The following INSIG2 variants were observed in gnomAD, a reference collection of about 807,000 sequenced individuals.
The protein encoded by INSIG2 is insulin-induced gene 2 protein.
A neutral mutation model predicts 27.2 loss-of-function variants in INSIG2; 10 were observed. The ratio of observed to expected loss-of-function variants is 0.37; its 90% CI spans 0.23 to 0.62. The LOEUF (loss-of-function observed/expected upper bound fraction) is 0.62. Among genes scored for constraint, INSIG2 ranks in the 20% least tolerant of loss-of-function variants. The pLI, the probability that INSIG2 is intolerant of heterozygous loss-of-function variation, is 0.65. For synonymous variants in INSIG2, 97 were observed against 95.8 expected (o/e 1.01, Z -0.07); for missense variants, 178 against 270.2 (o/e 0.66, Z 2.39).
At chr2:118,089,394 T>G (rs72839616) in intron 1 of INSIG2, among the ~76,000 whole-genome samples, 9,482 of 150,856 alleles carry the variant, frequency 0.063, 420 homozygotes, top group Non-Finnish European at 0.1. Flanking sequence ...CTGAAACTGT[T>G]TGGTATCAGT....
chr2:118,097,422 A>G (rs1355526516), intron 2 of INSIG2, among the ~76,000 whole-genome samples: 1 of 152,178 alleles, frequency 6.6e-6, no homozygotes, highest in Non-Finnish European at 1.5e-5. Flanking sequence ...TATTTTTGTA[A>G]ATGCTTTTTT....
intron 5 of INSIG2, among the ~76,000 whole-genome samples, chr2:118,107,731 A>G (rs915798374): frequency 2.6e-5 from 4 of 152,324 alleles, no homozygotes; most frequent in African/African-American, 9.6e-5. Flanking sequence ...TAAAATAGCC[A>G]ACCAATTATC....
intron 3 of INSIG2, among the ~76,000 whole-genome samples, chr2:118,104,897 T>A (rs1164390606): frequency 6.6e-6 from 1 of 152,252 alleles, no homozygotes; most frequent in East Asian, 1.9e-4. Context: ...TTCTTTGCTT[T>A]GTTCACTCTC....
At chr2:118,089,333 T>C (rs748434045) in intron 1 of INSIG2, among the ~76,000 whole-genome samples, 9 of 152,156 alleles carry the variant, frequency 5.9e-5, no homozygotes, top group Admixed American at 5.2e-4. Context: ...TTTTGTAGGA[T>C]TGATGAAGAA....
chr2:118,109,389 T>C lies in INSIG2; in HGVS notation c.*1067T>C, dbSNP rs1267256650. On this transcript the variant is annotated 3_prime_UTR_variant, in exon 6 of 6. Transcript: ENST00000245787. ...GGGTGGATGAATACATAATTTCTCA[T>C]GTATTCGTGTATCCATTAGTGAATA... 6.6e-6 allele frequency: 1 copy of C among 152,208 alleles called. No individual in the cohort carries two copies. Among genetic ancestry groups the C allele is most frequent in the Non-Finnish European group, 1.5e-5 (1 of 68,034 alleles). The allele number at this position is 152,208 out of a possible 1,614,324, so 9.4% of individuals were successfully genotyped here.
chr2:118,106,770 C>A lies in INSIG2; in HGVS notation c.403C>A (p.Leu135Ile). The change falls in exon 4 of 6, where the codon CTC (leucine) becomes ATC (isoleucine). Residue 135 changes from leucine to isoleucine, a missense_variant. Leu to Ile is a conservative substitution (Grantham distance 5, BLOSUM62 2). Coordinates refer to ENST00000245787, the MANE Select transcript of INSIG2 (RefSeq NM_016133.4). ...TTTCGATAACAACATACAGTTGTCT[C>A]TCACACTGGCTGCACTATCCATTGG... Reference protein sequence around the residue: ...VDFDNNIQLSLTLAALSIGLW... With the variant: ...VDFDNNIQLSITLAALSIGLW... The A allele has an allele frequency of 6.2e-7, 1 of 1,614,064 alleles. No individual in the cohort carries two copies. The highest frequency in any genetic ancestry group is 8.5e-7 in the Non-Finnish European group (1 of 1,179,932).
rs1426550492 is a variant in INSIG2 at position 118,107,083 on chromosome 2, A to G, written c.537-7A>G. On this transcript the variant is annotated splice_region_variant and splice_polypyrimidine_tract_variant and intron_variant, in intron 4 of 5. Transcript: ENST00000245787. Reference sequence around the variant, plus strand: ...TGTGGGTATTAAAGACATGTCTGTTATTCTAGATATACATCTCCAGATTTC... The same window carrying G: ...TGTGGGTATTAAAGACATGTCTGTTGTTCTAGATATACATCTCCAGATTTC... 3 of 1,585,926 alleles carry G rather than the reference A, an allele frequency of 1.9e-6. No homozygotes were observed. Among genetic ancestry groups the G allele is most frequent in the East Asian group, 2.2e-5 (1 of 44,708 alleles).
At chr2:118,102,120 T>G (rs1192090731) in intron 2 of INSIG2, among the ~76,000 whole-genome samples, 1 of 152,248 alleles carries the variant, frequency 6.6e-6, no homozygotes, top group African/African-American at 2.4e-5. Context: ...ATTTCATGAT[T>G]CCTCTTAAGT....
rs1182449019 is a variant in INSIG2, at chr2:118,109,649, A to G, written c.*1327A>G. 6.6e-6 allele frequency: 1 copy of G among 152,138 alleles called. No individual in the cohort carries two copies. The highest frequency in any genetic ancestry group is 1.5e-5 in the Non-Finnish European group (1 of 67,986). 9.4% of individuals were successfully genotyped at this position (152,138 alleles called of 1,614,324 possible). ...AGTGAGTGAGAGAATGTGTCTGTGCATGTGGCCATGCTTTCCTAGAATGTC... is the reference window on the plus strand; with the variant it reads ...AGTGAGTGAGAGAATGTGTCTGTGCGTGTGGCCATGCTTTCCTAGAATGTC... On this transcript the variant is annotated 3_prime_UTR_variant, in exon 6 of 6. Transcript: ENST00000245787.
At chr2:118,108,034 G>T (rs1678716866) in intron 5 of INSIG2, among the ~76,000 whole-genome samples, 1 of 152,116 alleles carries the variant, frequency 6.6e-6, no homozygotes, top group South Asian at 2.1e-4. Flanking sequence ...CTACTTGCTT[G>T]TAATGCAGAA....
intron 2 of INSIG2, among the ~76,000 whole-genome samples, chr2:118,098,430 A>C (rs944705003): frequency 5.3e-5 from 8 of 152,178 alleles, no homozygotes; most frequent in African/African-American, 1.7e-4. Context: ...AAGAAAGAAA[A>C]CCAGTGAGCC....
intron 2 of INSIG2, among the ~76,000 whole-genome samples, chr2:118,101,560 G>A (rs1261146864): frequency 6.6e-6 from 1 of 151,944 alleles, no homozygotes; most frequent in Non-Finnish European, 1.5e-5. Context: ...ACAGGCAAAG[G>A]GAGGATATAT....
chr2:118,106,557 G>A, intron 3 of INSIG2, 180 bp from the exon 4 acceptor site: 3 of 546,814 alleles, frequency 5.5e-6, no homozygotes, highest in Non-Finnish European at 9.7e-6. Flanking sequence ...TCTGGTATTG[G>A]GTAAATACTG....
intron 3 of INSIG2, among the ~76,000 whole-genome samples, chr2:118,104,732 C>T (rs1303488658): frequency 1.3e-5 from 2 of 152,172 alleles, no homozygotes; most frequent in Non-Finnish European, 2.9e-5. Context: ...AGAAACATCT[C>T]ATTTTCCTAC....
rs1202435750 is a variant in INSIG2 at position 118,095,699 on chromosome 2, C to T, written c.-138-720C>T. On this transcript the variant is annotated intron_variant, in intron 1 of 5. Coordinates refer to ENST00000245787, the MANE Select transcript of INSIG2 (RefSeq NM_016133.4). ...AGATTGTTCTTCATTTTCTTCACTT[C>T]CTTTCTTTTGCTTCGTCCTCCAGCT... is the stretch of plus-strand genomic sequence containing the variant. 2.6e-5 allele frequency among the ~76,000 whole-genome samples: 4 copies of T among 152,296 alleles called. No homozygotes were observed. In the East Asian group the frequency reaches 5.8e-4, roughly 22 times the overall value.
intron 1 of INSIG2, among the ~76,000 whole-genome samples, chr2:118,095,481 C>T (rs761143121): frequency 2.0e-5 from 3 of 152,264 alleles, no homozygotes; most frequent in Non-Finnish European, 2.9e-5. Context: ...ATTGCACTTA[C>T]CTCTGAAGGT....
chr2:118,093,936 GAT>G (rs1678335728), intron 1 of INSIG2, among the ~76,000 whole-genome samples: 1 of 33,322 alleles, frequency 3.0e-5, no homozygotes, highest in African/African-American at 1.1e-4. Context: ...TGATGATGAT[GAT>G]GATGAGGAGG....
At chr2:118,100,067 G>A (rs1481424517) in intron 2 of INSIG2, among the ~76,000 whole-genome samples, 2 of 152,234 alleles carry the variant, frequency 1.3e-5, no homozygotes, top group African/African-American at 4.8e-5. Context: ...GGACCCTGCA[G>A]CTCCCTTTGT....
chr2:118,108,431 C>A lies in INSIG2; in HGVS notation c.*109C>A. ...TAAAATTGCCAGGATGCAGTTTTCC[C>A]CTTGATTGGCGTGTGTGTATATATG... On this transcript the variant is annotated 3_prime_UTR_variant, in exon 6 of 6. Transcript: ENST00000245787. 1.3e-6 allele frequency: 1 copy of A among 762,498 alleles called. No homozygotes were observed. The highest frequency in any genetic ancestry group is 2.3e-6 in the Non-Finnish European group (1 of 442,158). The allele number at this position is 762,498 out of a possible 1,614,324, so 47.2% of individuals were successfully genotyped here.
Sources: gnomAD v4.1 joint callset for allele counts (sites outside exome capture counted in the v4.1 genomes callset) on GRCh38, gnomAD v4.1.1 for gene constraint, MANE v1.5 for transcripts, NCBI Gene and HGNC (gene_info 2026-07-23, HGNC 2026-07-21) for gene names.